The following GUCY1A2 variants were observed in gnomAD, a reference collection of about 807,000 sequenced individuals.
GUCY1A2 encodes the protein guanylate cyclase 1 soluble subunit alpha 2.
Under a neutral mutation model 63.5 loss-of-function variants are expected in GUCY1A2, and 27 were observed. That is an observed-to-expected ratio of 0.43 (90% confidence interval 0.31 to 0.59). The LOEUF (loss-of-function observed/expected upper bound fraction) is 0.59. GUCY1A2 is among the 20% of genes least tolerant of loss of function. The probability of loss-of-function intolerance (pLI) is 0.11; values close to 1 mark genes in which losing one functional copy is unlikely to be tolerated. For missense variants in GUCY1A2, 768 were observed against 913.3 expected, an observed-to-expected ratio of 0.84 and a Z score of 2.05; for synonymous variants, 364 against 343.5, an observed-to-expected ratio of 1.06 and a Z score of -0.66.
At chr11:106,886,434 G>T (rs1301023543) in intron 4 of GUCY1A2, among the ~76,000 whole-genome samples, 2 of 152,006 alleles carry the variant, frequency 1.3e-5, no homozygotes, top group African/African-American at 2.4e-5. Context: ...TCTTTCTCAT[G>T]AAAGAAATAC....
chr11:106,696,079 G>A (rs1311364465), intron 7 of GUCY1A2, among the ~76,000 whole-genome samples: 2 of 152,114 alleles, frequency 1.3e-5, no homozygotes, highest in Non-Finnish European at 2.9e-5. Flanking sequence ...CCTGATACCT[G>A]CTAGAGAGTG....
At chr11:106,965,503 C>T (rs1861116210) in intron 3 of GUCY1A2, among the ~76,000 whole-genome samples, 1 of 152,094 alleles carries the variant, frequency 6.6e-6, no homozygotes, top group Non-Finnish European at 1.5e-5. Context: ...CAAGAGAAAG[C>T]TTAAGTATGC....
intron 3 of GUCY1A2, among the ~76,000 whole-genome samples, chr11:106,953,451 G>T (rs186902646): frequency 6.6e-6 from 1 of 152,090 alleles, no homozygotes; most frequent in African/African-American, 2.4e-5. Flanking sequence ...TTTTTGCATC[G>T]ATGTTCATCA....
intron 4 of GUCY1A2, among the ~76,000 whole-genome samples, chr11:106,861,545 G>A (rs1859512693): frequency 6.6e-6 from 1 of 151,924 alleles, no homozygotes; most frequent in Non-Finnish European, 1.5e-5. Flanking sequence ...ACAAGTTGGG[G>A]CTCTATCACT....
intron 1 of GUCY1A2, among the ~76,000 whole-genome samples, chr11:107,006,546 A>G (rs540939635): frequency 6.6e-6 from 1 of 152,260 alleles, no homozygotes; most frequent in East Asian, 1.9e-4. Context: ...AAAGATAGGA[A>G]AACGGTTTGT....
chr11:106,686,564 G>T lies in GUCY1A2; in HGVS notation c.*985C>A, dbSNP rs1286272289. The T allele has an allele frequency of 4.6e-6, 1 of 218,002 alleles. No homozygotes were observed. The highest frequency in any genetic ancestry group is 9.2e-6 in the Non-Finnish European group (1 of 108,498). The allele number at this position is 218,002 out of a possible 1,614,324, so 13.5% of individuals were successfully genotyped here. ...AGGCATCAACTGGGGAAGAGGAAGG[G>T]GGTAACTAACATGTCATTTAGCTGA... On this transcript the variant is annotated 3_prime_UTR_variant, in exon 8 of 8. Coordinates refer to ENST00000526355, the MANE Select transcript of GUCY1A2 (RefSeq NM_000855.3).
chr11:106,892,782 T>C (rs922831727), intron 4 of GUCY1A2, among the ~76,000 whole-genome samples: 3 of 152,176 alleles, frequency 2.0e-5, no homozygotes, highest in African/African-American at 4.8e-5. Flanking sequence ...ATGAAAATTA[T>C]CCAATGTGTA....
intron 4 of GUCY1A2, among the ~76,000 whole-genome samples, chr11:106,832,860 C>A: frequency 6.6e-6 from 1 of 152,054 alleles, no homozygotes. Context: ...ATACAGTGGG[C>A]TAGAAGTAAT....
intron 4 of GUCY1A2, among the ~76,000 whole-genome samples, chr11:106,880,389 T>G (rs1467894169): frequency 6.6e-6 from 1 of 151,994 alleles, no homozygotes; most frequent in African/African-American, 2.4e-5. Flanking sequence ...CATGTTTTTT[T>G]ACAAACTGTA....
intron 4 of GUCY1A2, among the ~76,000 whole-genome samples, chr11:106,875,212 G>A (rs946133068): frequency 6.6e-6 from 1 of 152,046 alleles, no homozygotes; most frequent in Non-Finnish European, 1.5e-5. Context: ...GAGGTAGCAA[G>A]GAAATCTAGC....
rs1482074577 is a variant in GUCY1A2 at position 106,940,317 on chromosome 11, T to C, written c.488-139A>G. 5.5e-6 allele frequency: 3 copies of C among 549,978 alleles called. No individual in the cohort carries two copies. In the Admixed American group the frequency reaches 1.0e-4, roughly 19 times the overall value. The allele number at this position is 549,978 out of a possible 1,614,324, so 34.1% of individuals were successfully genotyped here. A position where few individuals can be genotyped will look rare whatever the true frequency, so the allele number is the denominator to read the frequency against. The stretch of plus-strand genomic sequence containing the variant: ...TCTCTTAGATCCACAAATTTCCACA[T>C]AGGTTAATTCACTCATCTTGAATCA... On this transcript the variant is annotated intron_variant, in intron 3 of 7. Transcript: ENST00000526355.
chr11:106,797,988 T>C, intron 5 of GUCY1A2, among the ~76,000 whole-genome samples: 1 of 152,066 alleles, frequency 6.6e-6, no homozygotes, highest in East Asian at 1.9e-4. Context: ...GCTGGTTTTT[T>C]GAAAAGATTA....
At chr11:106,766,790 GGCTTAAAAGAGACTGAAGTGT>G (rs1361495001) in intron 6 of GUCY1A2, among the ~76,000 whole-genome samples, 1 of 151,928 alleles carries the variant, frequency 6.6e-6, no homozygotes, top group African/African-American at 2.4e-5. Context: ...TATGCATATA[GGCTTAAAAGAGACTGAAGTGT>G]CAGTAAAAGA....
intron 6 of GUCY1A2, among the ~76,000 whole-genome samples, chr11:106,758,408 T>C (rs1282594844): frequency 6.6e-6 from 1 of 152,176 alleles, no homozygotes; most frequent in Non-Finnish European, 1.5e-5. Flanking sequence ...CTCTCATGGC[T>C]TCCCTTGGCT....
intron 1 of GUCY1A2, among the ~76,000 whole-genome samples, chr11:107,000,496 C>T (rs1336054101): frequency 6.6e-6 from 1 of 152,162 alleles, no homozygotes; most frequent in Non-Finnish European, 1.5e-5. Flanking sequence ...AAGTAAAAGA[C>T]ATTTTCATTA....
intron 4 of GUCY1A2, 56 bp from the exon 5 acceptor site, chr11:106,810,534 A>G (rs1858749635): frequency 1.4e-6 from 2 of 1,392,222 alleles, no homozygotes; most frequent in Non-Finnish European, 2.0e-6. Flanking sequence ...GGTTCACAAA[A>G]TTTAATATAT....
intron 4 of GUCY1A2, among the ~76,000 whole-genome samples, chr11:106,842,533 T>C (rs181226817): frequency 1.8e-3 from 272 of 152,144 alleles, no homozygotes; most frequent in Non-Finnish European, 2.5e-3. Flanking sequence ...CTATTTCTTG[T>C]TCTTCTTGCA....
intron 1 of GUCY1A2, among the ~76,000 whole-genome samples, chr11:107,001,118 A>G (rs1861607014): frequency 6.6e-6 from 1 of 152,220 alleles, no homozygotes; most frequent in African/African-American, 2.4e-5. Flanking sequence ...GACTTTATAC[A>G]AGAAAGAAGT....
At chr11:106,739,375 G>C (rs1251087439) in intron 6 of GUCY1A2, among the ~76,000 whole-genome samples, 2 of 151,940 alleles carry the variant, frequency 1.3e-5, no homozygotes, top group African/African-American at 4.8e-5. Context: ...AATTCCCAGG[G>C]AATCAACCAA....
Sources: gnomAD v4.1 joint callset for allele counts (sites outside exome capture counted in the v4.1 genomes callset) on GRCh38, gnomAD v4.1.1 for gene constraint, MANE v1.5 for transcripts, NCBI Gene and HGNC (gene_info 2026-07-23, HGNC 2026-07-21) for gene names.